Variants in KCNMB2 observed in about 807,000 individuals in gnomAD.
KCNMB2 encodes potassium calcium-activated channel subfamily M regulatory beta subunit 2.
Under a neutral mutation model 24.5 loss-of-function variants are expected in KCNMB2, and 9 were observed. The observed-to-expected ratio is 0.37, with a 90% CI of 0.22 to 0.64. KCNMB2 has a LOEUF of 0.64. Among genes scored for constraint, KCNMB2 ranks in the 30% least tolerant of loss-of-function variants. KCNMB2 has a pLI of 0.63. For synonymous variants in KCNMB2, 109 were observed against 104.4 expected, an observed-to-expected ratio of 1.04 and a Z score of -0.27; for missense variants, 226 against 284.3, an observed-to-expected ratio of 0.79 and a Z score of 1.47.
intron 1 of KCNMB2, among the ~76,000 whole-genome samples, chr3:178,747,960 A>C (rs1157495983): frequency 6.6e-6 from 1 of 152,258 alleles, no homozygotes; most frequent in African/African-American, 2.4e-5. Flanking sequence ...GCATGGCAGC[A>C]ATATGATTGA....
At chr3:178,747,465 C>G (rs912979172) in intron 1 of KCNMB2, among the ~76,000 whole-genome samples, 2 of 152,198 alleles carry the variant, frequency 1.3e-5, no homozygotes, top group African/African-American at 2.4e-5. Flanking sequence ...ACGGGTTTAT[C>G]ATGTATTAAT....
At chr3:178,623,708 T>G (rs1719001199) in intron 1 of KCNMB2, among the ~76,000 whole-genome samples, 1 of 152,170 alleles carries the variant, frequency 6.6e-6, no homozygotes, top group African/African-American at 2.4e-5. Flanking sequence ...TCATTCTAGG[T>G]TTTTGTTTAT....
At chr3:178,756,642 C>T (rs1193130911) in intron 1 of KCNMB2, among the ~76,000 whole-genome samples, 2 of 152,078 alleles carry the variant, frequency 1.3e-5, no homozygotes, top group African/African-American at 4.8e-5. Flanking sequence ...TATCAGGCAT[C>T]ATCTCATGAA....
chr3:178,581,957 T>A (rs956433895), intron 1 of KCNMB2, among the ~76,000 whole-genome samples: 2 of 152,188 alleles, frequency 1.3e-5, no homozygotes, highest in African/African-American at 4.8e-5. Flanking sequence ...GTGTGGCAGT[T>A]AGTCAAGGAT....
At chr3:178,700,077 A>C (rs948467685) in intron 1 of KCNMB2, among the ~76,000 whole-genome samples, 1 of 152,218 alleles carries the variant, frequency 6.6e-6, no homozygotes, top group Admixed American at 6.5e-5. Context: ...GCATCTATCC[A>C]AGCCAGTATT....
At chr3:178,735,985 G>A (rs975782186) in intron 1 of KCNMB2, among the ~76,000 whole-genome samples, 4 of 152,028 alleles carry the variant, frequency 2.6e-5, no homozygotes, top group East Asian at 3.9e-4. Flanking sequence ...AAAGTCTGCC[G>A]GTTTTTGGTG....
At chr3:178,613,720 T>G (rs1718578462) in intron 1 of KCNMB2, among the ~76,000 whole-genome samples, 2 of 152,186 alleles carry the variant, frequency 1.3e-5, no homozygotes, top group South Asian at 4.1e-4. Context: ...ATATGTTATT[T>G]GTTTCTGTCT....
At chr3:178,652,257 G>C (rs1419222922) in intron 1 of KCNMB2, among the ~76,000 whole-genome samples, 1 of 152,072 alleles carries the variant, frequency 6.6e-6, no homozygotes, top group Non-Finnish European at 1.5e-5. Flanking sequence ...CAAAAAGTGG[G>C]AGTTGAACAA....
At chr3:178,611,439 T>TG (rs1718479558) in intron 1 of KCNMB2, among the ~76,000 whole-genome samples, 1 of 152,176 alleles carries the variant, frequency 6.6e-6, no homozygotes, top group Non-Finnish European at 1.5e-5. Flanking sequence ...GTGCAGTGGC[T>TG]CACGCCTGTA....
intron 1 of KCNMB2, among the ~76,000 whole-genome samples, chr3:178,697,574 C>T (rs773069934): frequency 3.3e-5 from 5 of 152,088 alleles, no homozygotes; most frequent in Admixed American, 1.3e-4. Context: ...CCTCTCTATG[C>T]CTTTTATTTG....
chr3:178,761,828 A>C (rs1218727694), intron 1 of KCNMB2, among the ~76,000 whole-genome samples: 1 of 152,200 alleles, frequency 6.6e-6, no homozygotes, highest in African/African-American at 2.4e-5. Flanking sequence ...TAAACAAACA[A>C]ACACACAAAG....
At chr3:178,796,469 C>T (rs1334016560) in intron 1 of KCNMB2, among the ~76,000 whole-genome samples, 6 of 152,182 alleles carry the variant, frequency 3.9e-5, no homozygotes, top group African/African-American at 9.7e-5. Context: ...CTCCTCGGCA[C>T]ATGCATCATT....
intron 1 of KCNMB2, among the ~76,000 whole-genome samples, chr3:178,539,736 T>C (rs1715551025): frequency 6.6e-6 from 1 of 152,008 alleles, no homozygotes; most frequent in Non-Finnish European, 1.5e-5. Context: ...AGAGTGTGTG[T>C]GTGCGTGTGT....
At position 178,828,211 on chromosome 3, in the gene KCNMB2, G is replaced by C; in HGVS notation, c.261G>C (p.Leu87=). The C allele has an allele frequency of 6.2e-6, 10 of 1,613,984 alleles. No individual in the cohort carries two copies. The highest frequency in any genetic ancestry group is 1.3e-5 in the African/African-American group (1 of 75,026). The change falls in exon 4 of 5, where the codon CTG becomes CTC. Residue 87 remains leucine, a synonymous_variant. Coordinates refer to ENST00000452583, the MANE Select transcript of KCNMB2 (RefSeq NM_181361.3). ...CCGAAGAGTCTCAATGCACCTTGCT[G>C]AATGCGTCCATCACGGAAACATTTA... ...VWTEESQCTL[L]NASITETFNC... is the part of the protein sequence containing the mutation.
intron 1 of KCNMB2, among the ~76,000 whole-genome samples, chr3:178,565,830 A>G (rs563135753): frequency 6.6e-6 from 1 of 152,344 alleles, no homozygotes; most frequent in African/African-American, 2.4e-5. Context: ...ACAAGGAAGA[A>G]GAGCTGGATT....
chr3:178,542,297 T>C (rs1715646108), intron 1 of KCNMB2, among the ~76,000 whole-genome samples: 1 of 152,222 alleles, frequency 6.6e-6, no homozygotes, highest in Non-Finnish European at 1.5e-5. Context: ...CAGTGGTAAT[T>C]GATGACAGTA....
intron 1 of KCNMB2, among the ~76,000 whole-genome samples, chr3:178,635,237 T>G (rs1177449367): frequency 6.6e-6 from 1 of 152,144 alleles, no homozygotes; most frequent in African/African-American, 2.4e-5. Context: ...CTGCTTGAAC[T>G]AAGAAGAGCT....
chr3:178,795,555 C>A (rs1438172210), intron 1 of KCNMB2, among the ~76,000 whole-genome samples: 1 of 152,102 alleles, frequency 6.6e-6, no homozygotes, highest in Non-Finnish European at 1.5e-5. Flanking sequence ...AGCCTGAGGG[C>A]CCTCCTCAGG....
rs1711579202 is a variant in KCNMB2, at chr3:178,759,346, T to TAC, written c.-67-47996_-67-47995insCA. The stretch of plus-strand genomic sequence containing the variant: ...ATATATATATATATCTCCAAGAGGA[T>TAC]ATATATATATATATATCTCCAAGAG... On this transcript the variant is annotated intron_variant, in intron 1 of 4. Transcript: ENST00000452583. Among the ~76,000 whole-genome samples the TAC allele has an allele frequency of 4.7e-5, 2 of 42,344 alleles. 1 individual carries two copies. The highest frequency in any genetic ancestry group is 8.7e-5 in the Non-Finnish European group (2 of 23,056). 27.8% of individuals were successfully genotyped at this position (42,344 alleles called of 152,430 possible). A position where few individuals can be genotyped will look rare whatever the true frequency, so the allele number is the denominator to read the frequency against.
Sources: allele counts gnomAD v4.1 joint callset (sites outside exome capture counted in the v4.1 genomes callset), GRCh38; gene constraint gnomAD v4.1.1; transcripts MANE v1.5; gene names NCBI Gene and HGNC (gene_info 2026-07-23, HGNC 2026-07-21).